ST6GAL2: variants seen among roughly 807,000 people sequenced by gnomAD.
ST6GAL2 encodes the protein ST6 beta-galactoside alpha-2,6-sialyltransferase 2, also known as beta-galactoside alpha-2,6-sialyltransferase 2.
In ST6GAL2, 24 loss-of-function variants were observed where a neutral mutation model predicts 37.5. The ratio of observed to expected loss-of-function variants is 0.64; its 90% CI spans 0.46 to 0.90. The LOEUF (loss-of-function observed/expected upper bound fraction) is 0.90. ST6GAL2 is among the 40% of genes least tolerant of loss of function. ST6GAL2 has a pLI of 0.00. For synonymous variants in ST6GAL2, 306 were observed against 295.1 expected, an observed-to-expected ratio of 1.04 and a Z score of -0.38; for missense variants, 715 against 712.7, an observed-to-expected ratio of 1.00 and a Z score of -0.04.
intron 1 of ST6GAL2, among the ~76,000 whole-genome samples, chr2:106,883,102 A>T (rs752492433): frequency 2.6e-5 from 4 of 152,188 alleles, no homozygotes; most frequent in Non-Finnish European, 5.9e-5. Flanking sequence ...AAGCCTTAGG[A>T]CTGCCCAGGT....
At chr2:106,886,674 G>T (rs1399878793), upstream of ST6GAL2, 2 of 151,494 alleles carry the variant, frequency 1.3e-5, no homozygotes, top group Admixed American at 1.3e-4. Flanking sequence ...AGCTCCGCTC[G>T]CCCCAGAGCC....
intron 2 of ST6GAL2, among the ~76,000 whole-genome samples, chr2:106,838,308 G>A (rs946681549): frequency 5.9e-5 from 9 of 152,148 alleles, no homozygotes; most frequent in Non-Finnish European, 8.8e-5. Flanking sequence ...GCCAGCACCC[G>A]GTCACCGCCC....
intron 1 of ST6GAL2, among the ~76,000 whole-genome samples, chr2:106,855,107 C>T (rs12474859): frequency 0.61 from 93,301 of 152,026 alleles, 29,971 homozygotes; most frequent in Non-Finnish European, 0.74. Context: ...ATATATAGCA[C>T]ATGATACCTT....
intron 2 of ST6GAL2, among the ~76,000 whole-genome samples, chr2:106,842,740 T>C (rs1410221162): frequency 6.6e-6 from 1 of 152,128 alleles, no homozygotes; most frequent in African/African-American, 2.4e-5. Flanking sequence ...GGCGGCGCTT[T>C]CCTTCCACTG....
chr2:106,833,409 G>C (rs1354545669), intron 3 of ST6GAL2, among the ~76,000 whole-genome samples: 2 of 152,242 alleles, frequency 1.3e-5, no homozygotes, highest in East Asian at 3.9e-4. Context: ...CAGGCTGCCT[G>C]GTGCAGTGAA....
intron 1 of ST6GAL2, among the ~76,000 whole-genome samples, chr2:106,864,033 T>C (rs1677920462): frequency 6.6e-6 from 1 of 152,200 alleles, no homozygotes; most frequent in African/African-American, 2.4e-5. Flanking sequence ...TCCTTTGGAT[T>C]GCATGTCCCT....
At chr2:106,818,777 T>C (rs1675897543) in intron 5 of ST6GAL2, among the ~76,000 whole-genome samples, 2 of 151,452 alleles carry the variant, frequency 1.3e-5, no homozygotes, top group Non-Finnish European at 2.9e-5. Context: ...GAGACAGAGA[T>C]ATGTGACCTT....
chr2:106,882,805 C>A (rs1356190964), intron 1 of ST6GAL2, among the ~76,000 whole-genome samples: 1 of 152,192 alleles, frequency 6.6e-6, no homozygotes, highest in East Asian at 1.9e-4. Context: ...CACTGCATGC[C>A]TTCAATTTGG....
At chr2:106,869,515 A>C (rs1678173659) in intron 1 of ST6GAL2, among the ~76,000 whole-genome samples, 3 of 152,160 alleles carry the variant, frequency 2.0e-5, no homozygotes, top group African/African-American at 7.2e-5. Flanking sequence ...AAGAGGCTCC[A>C]GCTCCCACCC....
At chr2:106,872,502 C>T (rs1450847343) in intron 1 of ST6GAL2, among the ~76,000 whole-genome samples, 1 of 152,208 alleles carries the variant, frequency 6.6e-6, no homozygotes, top group Non-Finnish European at 1.5e-5. Flanking sequence ...CACACTTAGG[C>T]TCTTCTTTCC....
chr2:106,868,956 G>C (rs1678150210), intron 1 of ST6GAL2, among the ~76,000 whole-genome samples: 1 of 152,210 alleles, frequency 6.6e-6, no homozygotes, highest in Non-Finnish European at 1.5e-5. Flanking sequence ...GTAGACTGGT[G>C]GTGGGCCATT....
intron 3 of ST6GAL2, 82 bp downstream of exon 3, chr2:106,833,967 C>T (rs1302012100): frequency 2.0e-6 from 2 of 990,152 alleles, no homozygotes; most frequent in African/African-American, 1.6e-5. Context: ...TCTCTTCACT[C>T]ATCCGGTTAA....
At chr2:106,850,176 G>T (rs1212201317) in intron 1 of ST6GAL2, among the ~76,000 whole-genome samples, 5 of 152,134 alleles carry the variant, frequency 3.3e-5, no homozygotes, top group African/African-American at 1.2e-4. Context: ...TTGTCATGGG[G>T]AGATGACATA....
Position 106,806,427 on chromosome 2 carries a change from T to C in ST6GAL2, c.*251A>G, listed in dbSNP as rs919764684. 1.1e-5 allele frequency: 5 copies of C among 473,018 alleles called. No individual in the cohort carries two copies. In the Admixed American group the frequency reaches 1.1e-4, roughly 11 times the overall value. The allele number at this position is 473,018 out of a possible 1,614,324, so 29.3% of individuals were successfully genotyped here. The stretch of plus-strand genomic sequence containing the variant: ...GAGGTATCATACCCATGGTCATACA[T>C]GTGTTTTCTTTCTAGCTATCCTTGG... On this transcript the variant is annotated 3_prime_UTR_variant, in exon 6 of 6. Coordinates refer to ENST00000409382, the MANE Select transcript of ST6GAL2 (RefSeq NM_001142351.2).
Position 106,867,676 on chromosome 2 carries a change from G to C in ST6GAL2, c.-58+18417C>G, listed in dbSNP as rs190255288. ...ACTTCATGCAGGTCTAATCTTTCAGGGCACAGTGTGGTTAGGAACCCACCC... is the reference window on the plus strand; with the variant it reads ...ACTTCATGCAGGTCTAATCTTTCAGCGCACAGTGTGGTTAGGAACCCACCC... On this transcript the variant is annotated intron_variant, in intron 1 of 5. Transcript: ENST00000409382. Among the ~76,000 whole-genome samples, 1,408 of 152,084 alleles carry C rather than the reference G, an allele frequency of 9.3e-3. 7 individuals carry two copies. The highest frequency in any genetic ancestry group is 0.011 in the Non-Finnish European group (744 of 67,996).
At chr2:106,844,959 G>T (rs562464061) in intron 1 of ST6GAL2, among the ~76,000 whole-genome samples, 89 of 152,296 alleles carry the variant, frequency 5.8e-4, no homozygotes, top group African/African-American at 2.1e-3. Flanking sequence ...ACATTAATAA[G>T]AAATGCTCCT....
At chr2:106,880,035 T>C (rs1441118311) in intron 1 of ST6GAL2, among the ~76,000 whole-genome samples, 1 of 150,438 alleles carries the variant, frequency 6.6e-6, no homozygotes, top group Non-Finnish European at 1.5e-5. Context: ...ACCTAATGTA[T>C]ATAATAAAAT....
At chr2:106,852,518 C>T (rs1315355607) in intron 1 of ST6GAL2, among the ~76,000 whole-genome samples, 1 of 152,242 alleles carries the variant, frequency 6.6e-6, no homozygotes, top group Admixed American at 6.5e-5. Context: ...GTGGGGACTA[C>T]ATCTTATTCA....
chr2:106,844,783 A>G (rs1212530520), intron 1 of ST6GAL2, among the ~76,000 whole-genome samples: 2 of 152,140 alleles, frequency 1.3e-5, no homozygotes, highest in African/African-American at 4.8e-5. Flanking sequence ...ATGGGGAGAG[A>G]GCTTGCTGAT....
Sources: gnomAD v4.1 joint callset for allele counts (sites outside exome capture counted in the v4.1 genomes callset) on GRCh38, gnomAD v4.1.1 for gene constraint, MANE v1.5 for transcripts, NCBI Gene and HGNC (gene_info 2026-07-23, HGNC 2026-07-21) for gene names.